AKAP12: variants seen among roughly 807,000 people sequenced by gnomAD.
The protein encoded by AKAP12 is A-kinase anchor protein 12.
AKAP12 carries 32 observed loss-of-function variants against 79.9 expected under a neutral mutation model. That is an observed-to-expected ratio of 0.40 (90% CI 0.30 to 0.54). AKAP12 has a LOEUF of 0.54. Ranked by LOEUF, AKAP12 falls within the 20% of genes least tolerant of loss-of-function variation. The probability of loss-of-function intolerance (pLI) is 0.48; values close to 1 mark genes in which losing one functional copy is unlikely to be tolerated. For synonymous variants in AKAP12, 808 were observed against 857.0 expected, an observed-to-expected ratio of 0.94 and a Z score of 1.00; for missense variants, 2,074 against 2,177.0, an observed-to-expected ratio of 0.95 and a Z score of 0.94.
At chr6:151,321,862 C>T (rs1357225142) in intron 3 of AKAP12, among the ~76,000 whole-genome samples, 1 of 151,312 alleles carries the variant, frequency 6.6e-6, no homozygotes, top group Non-Finnish European at 1.5e-5. Context: ...TTGCCCCCCG[C>T]CACCTGCCCC....
chr6:151,320,371 C>T (rs567024857), intron 3 of AKAP12, among the ~76,000 whole-genome samples: 9 of 152,126 alleles, frequency 5.9e-5, no homozygotes, highest in South Asian at 4.1e-4. Flanking sequence ...CCTCCCATCT[C>T]GGCCTCCCCA....
intron 3 of AKAP12, chr6:151,324,733 G>A (rs1056025914): frequency 1.0e-5 from 10 of 985,234 alleles, no homozygotes; most frequent in African/African-American, 1.7e-5. Flanking sequence ...GGGACCTAAC[G>A]GACCCACCCT....
chr6:151,248,387 G>A (rs1797115546), intron 2 of AKAP12, among the ~76,000 whole-genome samples: 1 of 151,656 alleles, frequency 6.6e-6, no homozygotes, highest in African/African-American at 2.4e-5. Flanking sequence ...ACCAGCTCCT[G>A]CCACTGTGCT....
At chr6:151,305,659 C>T in intron 2 of AKAP12, 88 bp from the exon 3 acceptor site, 1 of 1,281,868 alleles carries the variant, frequency 7.8e-7, no homozygotes, top group Non-Finnish European at 1.1e-6. Flanking sequence ...TCTTCTTTCA[C>T]TGGTTTGTAT....
intron 4 of AKAP12, among the ~76,000 whole-genome samples, chr6:151,354,281 T>G (rs896584103): frequency 2.0e-5 from 3 of 152,034 alleles, no homozygotes; most frequent in African/African-American, 7.3e-5. Flanking sequence ...AACAAGTATT[T>G]TTAAAAATTT....
At chr6:151,328,322 C>A (rs1362629901) in intron 3 of AKAP12, among the ~76,000 whole-genome samples, 1 of 115,690 alleles carries the variant, frequency 8.6e-6, no homozygotes, top group African/African-American at 4.0e-5. Context: ...AGCGAGACTC[C>A]ATCTCAAAAA....
intron 2 of AKAP12, among the ~76,000 whole-genome samples, chr6:151,255,453 G>T (rs568543918): frequency 6.6e-6 from 1 of 151,854 alleles, no homozygotes; most frequent in African/African-American, 2.4e-5. Flanking sequence ...GAGCCACCGC[G>T]CCTGGCTGGG....
At chr6:151,319,945 A>C (rs907585774) in intron 3 of AKAP12, 1 of 152,234 alleles carries the variant, frequency 6.6e-6, no homozygotes, top group African/African-American at 2.4e-5. Context: ...CAAGAAGAAA[A>C]GAGACCCTAC....
At chr6:151,296,206 C>T (rs1270036411) in intron 2 of AKAP12, among the ~76,000 whole-genome samples, 1 of 152,136 alleles carries the variant, frequency 6.6e-6, no homozygotes, top group East Asian at 1.9e-4. Context: ...GAGATAAGGG[C>T]TTCTTATTTT....
At chr6:151,337,513 A>AC (rs1777846869) in intron 3 of AKAP12, among the ~76,000 whole-genome samples, 1 of 80,882 alleles carries the variant, frequency 1.2e-5, no homozygotes, top group Non-Finnish European at 2.2e-5. Context: ...TTCCGTCTCG[A>AC]AAAAAAAAAA....
intron 2 of AKAP12, among the ~76,000 whole-genome samples, chr6:151,272,092 C>A (rs988758593): frequency 6.6e-6 from 1 of 152,040 alleles, no homozygotes; most frequent in East Asian, 1.9e-4. Flanking sequence ...GTAATCCCTG[C>A]GCTGTGGGAG....
chr6:151,290,605 AT>A (rs1186585280), intron 2 of AKAP12, among the ~76,000 whole-genome samples: 1 of 148,092 alleles, frequency 6.8e-6, no homozygotes, highest in African/African-American at 2.5e-5. Context: ...CCTTCACCAG[AT>A]TCTTTTTTTT....
rs1403821596 is a variant in AKAP12, at chr6:151,314,921, A to G, written c.319+9018A>G. ...ACAAAAATTAGCCCGGCATGGTGGC[A>G]TGCAGCTGTAGTCCCAGCTATTCGG... On this transcript the variant is annotated intron_variant, in intron 3 of 4. Transcript: ENST00000402676. 3.3e-5 allele frequency among the ~76,000 whole-genome samples: 5 copies of G among 152,178 alleles called. No homozygotes were observed. The South Asian group carries it at 1.0e-3, about 32-fold the overall frequency.
intron 2 of AKAP12, among the ~76,000 whole-genome samples, chr6:151,294,470 G>A (rs1776683572): frequency 6.6e-6 from 1 of 152,184 alleles, no homozygotes; most frequent in Non-Finnish European, 1.5e-5. Context: ...CTTGGTCTAG[G>A]ATTCACAGGT....
chr6:151,310,774 G>A (rs1218426873), intron 3 of AKAP12, among the ~76,000 whole-genome samples: 2 of 152,122 alleles, frequency 1.3e-5, no homozygotes, highest in Non-Finnish European at 2.9e-5. Context: ...AAGTAATCCA[G>A]TGATTATCTC....
At chr6:151,337,062 T>C (rs1777832352) in intron 3 of AKAP12, among the ~76,000 whole-genome samples, 1 of 152,158 alleles carries the variant, frequency 6.6e-6, no homozygotes, top group Admixed American at 6.5e-5. Flanking sequence ...AGATAAAATT[T>C]ATATTATGGT....
intron 2 of AKAP12, among the ~76,000 whole-genome samples, chr6:151,272,678 G>A (rs1307436458): frequency 6.6e-6 from 1 of 152,148 alleles, no homozygotes; most frequent in Non-Finnish European, 1.5e-5. Flanking sequence ...TGGGATTACA[G>A]GCATGTGCTG....
In AKAP12 at chr6:151,353,565, A is replaced by G. The variant is rs1263188272; in HGVS notation, c.5174A>G (p.Lys1725Arg). 9 of 1,614,070 alleles carry G rather than the reference A, an allele frequency of 5.6e-6. No homozygotes were observed. The East Asian group carries it at 2.0e-4, about 36-fold the overall frequency. ...ACTGATGCCTCAGGAGGCTTAACCA[A>G]AGAGTCCCCAGATACAAATGGACCA... ...ADTDASGGLT[K>R]ESPDTNGPKQ... The change falls in exon 4 of 5, where the codon AAA becomes AGA. Residue 1725 changes from lysine (K) to arginine (R), a missense_variant. Around this residue, in one of 3 missense-constraint regions of AKAP12, gnomAD observed 614 missense variants for 665.6 expected, o/e 0.92. Transcript: ENST00000402676.
At chr6:151,330,913 G>A (rs1400024425) in intron 3 of AKAP12, among the ~76,000 whole-genome samples, 1 of 152,182 alleles carries the variant, frequency 6.6e-6, no homozygotes, top group East Asian at 1.9e-4. Context: ...CTGTAGCTTA[G>A]CCCTTCTTGG....
Sources: gnomAD v4.1 joint callset for allele counts (sites outside exome capture counted in the v4.1 genomes callset) on GRCh38, gnomAD v4.1.1 for gene constraint, gnomAD v4.1.1 regional missense constraint, MANE v1.5 for transcripts, NCBI Gene and HGNC (gene_info 2026-07-23, HGNC 2026-07-21) for gene names.